Variants in CELA2A observed in about 807,000 individuals in gnomAD.
CELA2A encodes chymotrypsin like elastase 2A, also known as chymotrypsin-like elastase family member 2A.
In CELA2A, 31 loss-of-function variants were observed where a neutral mutation model predicts 35.3. The ratio of observed to expected loss-of-function variants is 0.88; its 90% CI spans 0.66 to 1.19. The LOEUF (loss-of-function observed/expected upper bound fraction) is 1.19. Among genes scored for constraint, CELA2A ranks in the 50% most tolerant of loss-of-function variants. The probability of loss-of-function intolerance (pLI) is 0.00; values close to 1 mark genes in which losing one functional copy is unlikely to be tolerated. For missense variants in CELA2A, 330 were observed against 352.9 expected, an observed-to-expected ratio of 0.94 and a Z score of 0.52; for synonymous variants, 150 against 149.8, an observed-to-expected ratio of 1.00 and a Z score of -0.01.
intron 2 of CELA2A, among the ~76,000 whole-genome samples, chr1:15,458,238 C>A (rs1399609867): frequency 6.6e-6 from 1 of 152,116 alleles, no homozygotes; most frequent in African/African-American, 2.4e-5. Flanking sequence ...AGAGCAGTAA[C>A]TTTGAGACGT....
chr1:15,466,189 T>G (rs1708515891), intron 6 of CELA2A, 45 bp downstream of exon 6: 2 of 1,607,178 alleles, frequency 1.2e-6, no homozygotes, highest in East Asian at 4.5e-5. Flanking sequence ...AAAATGTGGC[T>G]GGGGATAAGG....
intron 1 of CELA2A, 45 bp downstream of exon 1, chr1:15,456,838 G>A (rs1570793618): frequency 1.9e-6 from 3 of 1,613,650 alleles, no homozygotes; most frequent in Non-Finnish European, 2.5e-6. Flanking sequence ...TGCCCTGGTG[G>A]GGCTGGAAAT....
At chr1:15,463,094 C>T (rs558358974) in intron 4 of CELA2A, 1 of 737,084 alleles carries the variant, frequency 1.4e-6, no homozygotes, top group South Asian at 1.9e-5. Flanking sequence ...CTGCCAGTTA[C>T]ACCTGCAGGG....
chr1:15,457,018 C>A (rs770773769), intron 1 of CELA2A, 68 bp from the exon 2 acceptor site: 3 of 1,475,072 alleles, frequency 2.0e-6, no homozygotes, highest in Non-Finnish European at 2.8e-6. Flanking sequence ...GGTCAGAATG[C>A]GCAGCAAGTG....
intron 6 of CELA2A, among the ~76,000 whole-genome samples, chr1:15,466,600 T>C (rs1370565933): frequency 6.6e-6 from 1 of 152,070 alleles, no homozygotes; most frequent in African/African-American, 2.4e-5. Flanking sequence ...TTTTTGTTCT[T>C]GTTTTGAGAT....
chr1:15,466,291 G>A (rs1244626784), intron 6 of CELA2A, 147 bp downstream of exon 6: 12 of 1,021,588 alleles, frequency 1.2e-5, no homozygotes, highest in East Asian at 7.6e-5. Context: ...GGCCAGGCAC[G>A]GTGGCTCACA....
intron 2 of CELA2A, among the ~76,000 whole-genome samples, chr1:15,458,286 T>A (rs1434584259): frequency 6.6e-6 from 1 of 152,140 alleles, no homozygotes; most frequent in Non-Finnish European, 1.5e-5. Flanking sequence ...ATCCAATCTT[T>A]CCATTTTCTC....
intron 6 of CELA2A, among the ~76,000 whole-genome samples, chr1:15,466,367 G>A (rs544352659): frequency 6.6e-6 from 1 of 152,110 alleles, no homozygotes; most frequent in South Asian, 2.1e-4. Flanking sequence ...TTCAAGACCA[G>A]CCTGGCCAAC....
At chr1:15,465,465 C>A (rs1161351851) in intron 5 of CELA2A, among the ~76,000 whole-genome samples, 3 of 152,064 alleles carry the variant, frequency 2.0e-5, no homozygotes, top group Non-Finnish European at 4.4e-5. Context: ...CATATTTTTC[C>A]CAAGGAGGGG....
At chr1:15,470,171 TG>T (rs1207348096) in intron 7 of CELA2A, among the ~76,000 whole-genome samples, 1 of 151,964 alleles carries the variant, frequency 6.6e-6, no homozygotes, top group Non-Finnish European at 1.5e-5. Context: ...TGTCCTTGGG[TG>T]GGGGCTGCCC....
chr1:15,462,294 A>G (rs7547591), intron 3 of CELA2A: 119,744 of 460,256 alleles, frequency 0.26, 16,198 homozygotes, highest in Middle Eastern at 0.38. Context: ...GGAAAATAAT[A>G]GAGGCCTACA....
intron 2 of CELA2A, among the ~76,000 whole-genome samples, chr1:15,461,302 T>A (rs1708430350): frequency 1.3e-5 from 2 of 152,184 alleles, no homozygotes; most frequent in Non-Finnish European, 1.5e-5. Context: ...GCTCAAGTGA[T>A]CCTCCTTCCT....
chr1:15,467,434 C>A lies in CELA2A; in HGVS notation c.688C>A (p.Gln230Lys), dbSNP rs375207414. The A allele has an allele frequency of 1.9e-6, 3 of 1,613,900 alleles. No homozygotes were observed. In the African/African-American group the frequency reaches 4.0e-5, roughly 22 times the overall value. The change falls in exon 7 of 8, where the codon CAG (glutamine) becomes AAG (lysine). Residue 230 changes from glutamine to lysine, a missense_variant. Coordinates refer to ENST00000359621, the MANE Select transcript of CELA2A (RefSeq NM_033440.3). ...LNCQASDGRW[Q>K]VHGIVSFGSR... ...CTGTCAGGCGTCTGACGGCCGGTGG[C>A]AGGTGCACGGCATCGTCAGCTTCGG...
chr1:15,465,787 A>T (rs1366832131), intron 5 of CELA2A: 9 of 590,294 alleles, frequency 1.5e-5, no homozygotes, highest in Non-Finnish European at 2.7e-5. Flanking sequence ...ACCCCATCTC[A>T]GAATCCCAGG....
At chr1:15,465,946 C>T (rs1708511121) in intron 5 of CELA2A, 53 bp from the exon 6 acceptor site, 1 of 1,605,622 alleles carries the variant, frequency 6.2e-7, no homozygotes, top group African/African-American at 1.3e-5. Context: ...CCATCACTTC[C>T]TTTTTCTCAG....
chr1:15,461,876 G>A (rs1708440167), intron 3 of CELA2A: 3 of 706,726 alleles, frequency 4.2e-6, no homozygotes, highest in African/African-American at 1.7e-5. Context: ...CAGGCACTGA[G>A]GGAGGATGAA....
Position 15,457,083 on chromosome 1 carries a change from C to T in CELA2A, c.41-3C>T. 6.2e-7 allele frequency: 1 copy of T among 1,613,930 alleles called. No homozygotes were observed. The highest frequency in any genetic ancestry group is 8.5e-7 in the Non-Finnish European group (1 of 1,179,832). On this transcript the variant is annotated splice_region_variant and splice_polypyrimidine_tract_variant and intron_variant, in intron 1 of 7. Coordinates refer to ENST00000359621, the MANE Select transcript of CELA2A (RefSeq NM_033440.3). ...TGACTCAAGACCCTTTCTCTTTTCA[C>T]AGCCCTCAGTTGTGGGGACCCCACT... is the stretch of plus-strand genomic sequence containing the variant.
intron 3 of CELA2A, chr1:15,462,290 T>C (rs1708446338): frequency 4.3e-6 from 2 of 463,996 alleles, no homozygotes; most frequent in South Asian, 1.6e-5. Context: ...TTGGGGAAAA[T>C]AATAGAGGCC....
chr1:15,465,568 G>T (rs1225164136), intron 5 of CELA2A, among the ~76,000 whole-genome samples: 1 of 152,148 alleles, frequency 6.6e-6, no homozygotes, highest in Admixed American at 6.6e-5. Flanking sequence ...TTGTTATAAG[G>T]ATTTAAAAGT....
Sources: gnomAD v4.1 joint callset for allele counts (sites outside exome capture counted in the v4.1 genomes callset) on GRCh38, gnomAD v4.1.1 for gene constraint, MANE v1.5 for transcripts, NCBI Gene and HGNC (gene_info 2026-07-23, HGNC 2026-07-21) for gene names.